Variants in THAP5 observed in about 807,000 individuals in gnomAD.
THAP5 encodes THAP domain containing 5, also known as THAP domain-containing protein 5.
In THAP5, 26 loss-of-function variants were observed where a neutral mutation model predicts 34.0. The ratio of observed to expected loss-of-function variants is 0.77; its 90% CI spans 0.56 to 1.06. The LOEUF (loss-of-function observed/expected upper bound fraction) is 1.06. Ranked by LOEUF, THAP5 falls within the 50% of genes least tolerant of loss-of-function variation. The probability of loss-of-function intolerance (pLI) is 0.00; values close to 1 mark genes in which losing one functional copy is unlikely to be tolerated. For missense variants in THAP5, 394 were observed against 452.8 expected (o/e 0.87, Z 1.18); for synonymous variants, 125 against 153.0 (o/e 0.82, Z 1.35).
At chr7:108,542,607 C>G in the THAP5 span, among the ~76,000 whole-genome samples, 1 of 151,960 alleles carries the variant, frequency 6.6e-6, no homozygotes, top group Non-Finnish European at 1.5e-5. Context: ...GAATTACAGG[C>G]ATGTGCCACC....
chr7:108,569,511 T>C lies in THAP5; in HGVS notation c.59A>G (p.Asp20Gly). 6.4e-7 allele frequency: 1 copy of C among 1,551,834 alleles called. No homozygotes were observed. The highest frequency in any genetic ancestry group is 2.4e-5 in the East Asian group (1 of 40,922). ...CKNRRGRNNK[D>G]RKLSFYPFPL... ...TTACGGATAAAAACTCAGCTTCCGG[T>C]CTTTATTGTTTCGTCCCCGGCGGTT... The change falls in exon 1 of 3, where the codon GAC becomes GGC. Residue 20 changes from aspartate (D) to glycine (G), a missense_variant. By Grantham distance (94) the Asp-to-Gly change is moderately conservative. Transcript: ENST00000415914.
the THAP5 span, among the ~76,000 whole-genome samples, chr7:108,544,002 A>C: frequency 6.6e-6 from 1 of 152,238 alleles, no homozygotes; most frequent in Non-Finnish European, 1.5e-5. Flanking sequence ...AAATTTGACA[A>C]CTTAGATGAA....
downstream of THAP5, among the ~76,000 whole-genome samples, chr7:108,557,557 C>T (rs1003465633): frequency 6.6e-6 from 1 of 152,328 alleles, no homozygotes; most frequent in Non-Finnish European, 1.5e-5. Flanking sequence ...TTTGCTAAAG[C>T]ATAGCAAGAG....
At chr7:108,557,236 G>A (rs1003306687), downstream of THAP5, among the ~76,000 whole-genome samples, 1 of 152,228 alleles carries the variant, frequency 6.6e-6, no homozygotes, top group Non-Finnish European at 1.5e-5. Context: ...TTGGCTATTA[G>A]CATTTGGTTC....
the THAP5 span, among the ~76,000 whole-genome samples, chr7:108,544,833 A>AT: frequency 6.6e-6 from 1 of 151,612 alleles, no homozygotes; most frequent in Non-Finnish European, 1.5e-5. Flanking sequence ...AATTTTTGTA[A>AT]TTTTTTATAG....
rs1790568837 is a variant in THAP5, at chr7:108,569,614, G to A, written c.-45C>T. 1.9e-6 allele frequency: 3 copies of A among 1,547,104 alleles called. No homozygotes were observed. The highest frequency in any genetic ancestry group is 2.6e-6 in the Non-Finnish European group (3 of 1,146,444). Reference sequence around the variant, plus strand: ...GAGACCGGGGCCGGCGACGGATGCAGGGCGGCCCTCCTCACTGAGGATGCG... The same window carrying A: ...GAGACCGGGGCCGGCGACGGATGCAAGGCGGCCCTCCTCACTGAGGATGCG... On this transcript the variant is annotated 5_prime_UTR_variant, in exon 1 of 3. Coordinates refer to ENST00000415914, the MANE Select transcript of THAP5 (RefSeq NM_001130475.3).
At chr7:108,569,342 G>C (rs1204653108) in intron 1 of THAP5, 148 bp downstream of exon 1, 1 of 1,485,854 alleles carries the variant, frequency 6.7e-7, no homozygotes, top group Admixed American at 2.3e-5. Context: ...CTGAACTAGC[G>C]CCTTCCCTCC....
In THAP5 at chr7:108,565,810, C is replaced by G; in HGVS notation, c.273+20G>C. On this transcript the variant is annotated intron_variant, in intron 2 of 2. Coordinates refer to ENST00000415914, the MANE Select transcript of THAP5 (RefSeq NM_001130475.3). Reference sequence around the variant, plus strand: ...ATCTGCCACTCTGCTCAGCATTACCCCTCTCCCATACTGCAATACCTGATT... The same window carrying G: ...ATCTGCCACTCTGCTCAGCATTACCGCTCTCCCATACTGCAATACCTGATT... The G allele has an allele frequency of 6.6e-7, 1 of 1,521,408 alleles. No homozygotes were observed. The highest frequency in any genetic ancestry group is 8.8e-7 in the Non-Finnish European group (1 of 1,134,380). The allele number at this position is 1,521,408 out of a possible 1,614,324, so 94.2% of individuals were successfully genotyped here. A position where few individuals can be genotyped will look rare whatever the true frequency, so the allele number is the denominator to read the frequency against.
chr7:108,557,399 C>T (rs965582545), downstream of THAP5, among the ~76,000 whole-genome samples: 1 of 152,204 alleles, frequency 6.6e-6, no homozygotes, highest in Non-Finnish European at 1.5e-5. Context: ...TTTGTTCATG[C>T]ATATAAGTAT....
chr7:108,564,604 G>T lies in THAP5; in HGVS notation c.775C>A (p.Gln259Lys). 1.2e-6 allele frequency: 2 copies of T among 1,613,828 alleles called. No homozygotes were observed. The highest frequency in any genetic ancestry group is 1.7e-6 in the Non-Finnish European group (2 of 1,179,864). Residue 259 changes from glutamine to lysine, a missense_variant, in exon 3 of 3, where the codon CAA becomes AAA. Physicochemically the swap from Gln to Lys is moderately conservative, Grantham distance 53. Coordinates refer to ENST00000415914, the MANE Select transcript of THAP5 (RefSeq NM_001130475.3). ...TTTGTGTTTAATTCTTCAACTGTTT[G>T]ATTAATTGTGCTGAATAAGAATGGA... is the stretch of plus-strand genomic sequence containing the variant. The part of the protein sequence containing the change: ...ENPFLFSTIN[Q>K]TVEELNTNKE...
the THAP5 span, among the ~76,000 whole-genome samples, chr7:108,545,539 T>G: frequency 6.6e-6 from 1 of 152,186 alleles, no homozygotes; most frequent in Non-Finnish European, 1.5e-5. Flanking sequence ...TTAAGCTTCA[T>G]AGAATAAAAT....
intron 2 of THAP5, 90 bp from the exon 3 acceptor site, chr7:108,565,195 C>G: frequency 3.9e-6 from 4 of 1,013,030 alleles, no homozygotes; most frequent in Non-Finnish European, 5.6e-6. Flanking sequence ...GAGTAGTACA[C>G]TGGCCAAGCA....
At chr7:108,556,922 T>A (rs1270970279) in intron 1 of THAP5, among the ~76,000 whole-genome samples, 4 of 152,226 alleles carry the variant, frequency 2.6e-5, no homozygotes, top group Non-Finnish European at 5.9e-5. Flanking sequence ...TTTCCATACA[T>A]ACTCTGAAAT....
At chr7:108,556,355 A>G (rs914818725) in intron 1 of THAP5, among the ~76,000 whole-genome samples, 2 of 152,204 alleles carry the variant, frequency 1.3e-5, no homozygotes, top group African/African-American at 2.4e-5. Context: ...CTCATCTGAG[A>G]TAAGTCAAGA....
downstream of THAP5, among the ~76,000 whole-genome samples, chr7:108,550,455 A>G (rs1864346455): frequency 7.8e-6 from 1 of 128,350 alleles, no homozygotes; most frequent in African/African-American, 3.1e-5. Context: ...TTCTGTTACT[A>G]TTTTCTTTGC....
rs40941 is a variant in THAP5, at chr7:108,562,481, C to T, written c.*1710G>A. 44,194 of 152,010 alleles carry T rather than the reference C, an allele frequency of 0.29. 6,793 individuals are homozygous for T. The highest frequency in any genetic ancestry group is 0.34 in the Non-Finnish European group (22,989 of 67,958). 9.4% of individuals were successfully genotyped at this position (152,010 alleles called of 1,614,324 possible). ...CCTAATGAAACTAAGTCAAATATGG[C>T]CAAAAATAATCATCATGCATTTACA... On this transcript the variant is annotated 3_prime_UTR_variant, in exon 3 of 3. Coordinates refer to ENST00000415914, the MANE Select transcript of THAP5 (RefSeq NM_001130475.3).
At chr7:108,552,320 A>C (rs1864358783), downstream of THAP5, among the ~76,000 whole-genome samples, 2 of 152,032 alleles carry the variant, frequency 1.3e-5, no homozygotes, top group South Asian at 4.2e-4. Flanking sequence ...GTATCTGTTG[A>C]TTTCAATTAC....
chr7:108,556,183 T>G (rs1864384679), intron 1 of THAP5, among the ~76,000 whole-genome samples: 1 of 152,162 alleles, frequency 6.6e-6, no homozygotes, highest in Admixed American at 6.5e-5. Flanking sequence ...CAATTTGAGA[T>G]TAGACTTGGG....
At chr7:108,559,052 A>G (rs1177478556), downstream of THAP5, among the ~76,000 whole-genome samples, 1 of 152,248 alleles carries the variant, frequency 6.6e-6, no homozygotes, top group African/African-American at 2.4e-5. Context: ...TCTGAAATGT[A>G]TGTAATGCTG....
Sources: allele counts gnomAD v4.1 joint callset (sites outside exome capture counted in the v4.1 genomes callset), GRCh38; gene constraint gnomAD v4.1.1; transcripts MANE v1.5; gene names NCBI Gene and HGNC (gene_info 2026-07-23, HGNC 2026-07-21).